SLC22A15: variants seen among roughly 807,000 people sequenced by gnomAD.
SLC22A15 encodes flipt 1.
SLC22A15 carries 45 observed loss-of-function variants against 62.7 expected under a neutral mutation model. The observed-to-expected ratio is 0.72, with a 90% CI of 0.56 to 0.92. SLC22A15 has a LOEUF of 0.92. SLC22A15 is among the 40% of genes least tolerant of loss of function. The pLI is 0.00. For synonymous variants in SLC22A15, 264 were observed against 267.0 expected, an observed-to-expected ratio of 0.99 and a Z score of 0.11; for missense variants, 622 against 665.6, an observed-to-expected ratio of 0.93 and a Z score of 0.72.
At chr1:116,051,453 T>C (rs896674929) in intron 8 of SLC22A15, among the ~76,000 whole-genome samples, 3 of 151,988 alleles carry the variant, frequency 2.0e-5, no homozygotes, top group Non-Finnish European at 4.4e-5. Flanking sequence ...AACAAAAACA[T>C]AAAGTGGGGA....
At chr1:116,025,710 A>G in intron 4 of SLC22A15, among the ~76,000 whole-genome samples, 1 of 152,232 alleles carries the variant, frequency 6.6e-6, no homozygotes, top group East Asian at 1.9e-4. Context: ...AGGCAGCTTC[A>G]TTTAACCGCT....
chr1:116,004,607 C>A (rs1416110341), intron 2 of SLC22A15, among the ~76,000 whole-genome samples: 4 of 151,942 alleles, frequency 2.6e-5, no homozygotes, highest in Non-Finnish European at 5.9e-5. Flanking sequence ...GGATTAATGC[C>A]TCTATATTTG....
At chr1:116,037,731 G>A (rs764495040) in intron 8 of SLC22A15, among the ~76,000 whole-genome samples, 14 of 152,158 alleles carry the variant, frequency 9.2e-5, no homozygotes, top group Non-Finnish European at 4.4e-5. Context: ...AATTGCACTC[G>A]TCATTACAGC....
In SLC22A15 at chr1:116,035,202, G is replaced by C. The variant is rs746895726; in HGVS notation, c.960G>C (p.Leu320Phe). 6.2e-7 allele frequency: 1 copy of C among 1,611,738 alleles called. No individual in the cohort carries two copies. The highest frequency in any genetic ancestry group is 1.1e-5 in the South Asian group (1 of 90,660). Residue 320 changes from leucine (L) to phenylalanine (F), a missense_variant, in exon 7 of 12, where the codon TTG (leucine) becomes TTC (phenylalanine). Coordinates refer to ENST00000369503, the MANE Select transcript of SLC22A15 (RefSeq NM_018420.3). ...CCAATTGCAGGTTTGTGTGCAGCTT[G>C]GTGTATTATGGCCTAACTCTGAGTG... is the stretch of plus-strand genomic sequence containing the variant. Reference protein sequence around the residue: ...ILMFIWFVCSLVYYGLTLSAG... With the variant: ...ILMFIWFVCSFVYYGLTLSAG...
At chr1:116,025,767 T>C (rs572905484) in intron 4 of SLC22A15, among the ~76,000 whole-genome samples, 102 of 152,136 alleles carry the variant, frequency 6.7e-4, no homozygotes, top group Non-Finnish European at 1.3e-3. Context: ...GGTACTTACT[T>C]CATAGGACAA....
At chr1:116,036,234 C>T (rs1011111396) in intron 7 of SLC22A15, among the ~76,000 whole-genome samples, 1 of 152,106 alleles carries the variant, frequency 6.6e-6, no homozygotes, top group African/African-American at 2.4e-5. Flanking sequence ...CCAGTTGTGC[C>T]AGATGCCTTT....
intron 8 of SLC22A15, among the ~76,000 whole-genome samples, chr1:116,058,301 G>A (rs1658279960): frequency 6.6e-6 from 1 of 152,010 alleles, no homozygotes; most frequent in Non-Finnish European, 1.5e-5. Flanking sequence ...CAAAAAGTGG[G>A]CGAAGAACAT....
chr1:115,976,788 A>T (rs1012074506), intron 1 of SLC22A15, 74 bp downstream of exon 1: 3 of 1,205,664 alleles, frequency 2.5e-6, no homozygotes, highest in Non-Finnish European at 3.5e-6. Context: ...GTCCGCTCCC[A>T]GACCGCCGGG....
chr1:116,048,537 G>A (rs947573309), intron 8 of SLC22A15, among the ~76,000 whole-genome samples: 4 of 152,166 alleles, frequency 2.6e-5, no homozygotes, highest in Non-Finnish European at 5.9e-5. Flanking sequence ...AATGCTGAGA[G>A]AATTCGCCAC....
intron 8 of SLC22A15, among the ~76,000 whole-genome samples, chr1:116,051,654 C>T (rs1056745321): frequency 2.6e-5 from 4 of 152,110 alleles, no homozygotes; most frequent in African/African-American, 9.7e-5. Context: ...TTGGCTTAGG[C>T]AAGGATTTCA....
At position 116,066,654 on chromosome 1, in the gene SLC22A15, G is replaced by A. The variant is rs1045215989; in HGVS notation, c.1500G>A (p.Ser500=). The change falls in exon 11 of 12, where the codon TCG becomes TCA. Residue 500 remains serine, a synonymous_variant. Coordinates refer to ENST00000369503, the MANE Select transcript of SLC22A15 (RefSeq NM_018420.3). ...CATTCTCCGACCTTCAGGTGTATTC[G>A]TATCGCAGGCTGGGAGAAGAAGCAT... ...LETFSDLQVY[S]YRRLGEEALS... 12 of 1,612,654 alleles carry A rather than the reference G, an allele frequency of 7.4e-6. No individual in the cohort carries two copies. The highest frequency in any genetic ancestry group is 1.6e-4 in the Middle Eastern group (1 of 6,080).
At chr1:116,064,413 G>A (rs754307334) in intron 9 of SLC22A15, 23 bp from the exon 10 acceptor site, 56 of 1,592,444 alleles carry the variant, frequency 3.5e-5, no homozygotes, top group Non-Finnish European at 4.7e-5. Flanking sequence ...ACTTACTGAT[G>A]TATTTTTACT....
intron 2 of SLC22A15, among the ~76,000 whole-genome samples, chr1:115,999,263 T>C (rs76500584): frequency 0.024 from 3,654 of 152,274 alleles, 153 homozygotes; most frequent in African/African-American, 0.084. Context: ...TCTGCAGCTA[T>C]TGGATGAAAT....
intron 5 of SLC22A15, among the ~76,000 whole-genome samples, chr1:116,027,642 T>C (rs1015945022): frequency 3.9e-5 from 6 of 152,078 alleles, no homozygotes; most frequent in African/African-American, 1.4e-4. Context: ...TTTTTTTTTT[T>C]GAGACGGAGT....
chr1:115,976,926 C>A (rs1330871804), intron 1 of SLC22A15, among the ~76,000 whole-genome samples: 1 of 152,076 alleles, frequency 6.6e-6, no homozygotes, highest in Admixed American at 6.5e-5. Flanking sequence ...GGCCTCAGAG[C>A]CTCTTGGGTT....
At chr1:116,022,158 C>G (rs1007808354) in intron 4 of SLC22A15, among the ~76,000 whole-genome samples, 7 of 152,182 alleles carry the variant, frequency 4.6e-5, no homozygotes, top group African/African-American at 1.7e-4. Flanking sequence ...TCCAGACAGG[C>G]TTCCTGCTGG....
intron 8 of SLC22A15, among the ~76,000 whole-genome samples, chr1:116,041,157 A>T (rs908726444): frequency 3.9e-5 from 6 of 152,146 alleles, no homozygotes; most frequent in Admixed American, 3.3e-4. Context: ...TTAGTGAAGG[A>T]GTGTCCTTAG....
intron 8 of SLC22A15, among the ~76,000 whole-genome samples, chr1:116,061,039 A>C (rs1557909984): frequency 6.6e-6 from 1 of 152,194 alleles, no homozygotes; most frequent in Non-Finnish European, 1.5e-5. Context: ...TTGAGAGAGC[A>C]TGAACACAGG....
intron 6 of SLC22A15, among the ~76,000 whole-genome samples, chr1:116,033,011 G>A (rs1657481766): frequency 6.6e-6 from 1 of 152,202 alleles, no homozygotes; most frequent in South Asian, 2.1e-4. Context: ...AACTGTCCCT[G>A]TTCATTTTAT....
Sources: allele counts gnomAD v4.1 joint callset (sites outside exome capture counted in the v4.1 genomes callset), GRCh38; gene constraint gnomAD v4.1.1; transcripts MANE v1.5; gene names NCBI Gene and HGNC (gene_info 2026-07-23, HGNC 2026-07-21).